Variants in BARD1 observed in about 807,000 individuals in gnomAD.
BARD1 encodes BRCA1 associated RING domain 1.
Under a neutral mutation model 77.0 loss-of-function variants are expected in BARD1, and 73 were observed. That is an observed-to-expected ratio of 0.95 (90% CI 0.79 to 1.15). BARD1 has a LOEUF of 1.15. BARD1 is among the 50% of genes most tolerant of loss of function. The pLI is 0.00. For missense variants in BARD1, 993 were observed against 938.8 expected (o/e 1.06, Z -0.75); for synonymous variants, 384 against 338.0 (o/e 1.14, Z -1.49).
At chr2:214,796,486 C>T (rs1695759145) in intron 2 of BARD1, among the ~76,000 whole-genome samples, 1 of 152,138 alleles carries the variant, frequency 6.6e-6, no homozygotes, top group African/African-American at 2.4e-5. Context: ...TACATGAAAG[C>T]AAAGACCAGA....
At chr2:214,781,788 T>C (rs980658001) in intron 3 of BARD1, among the ~76,000 whole-genome samples, 33 of 152,136 alleles carry the variant, frequency 2.2e-4, no homozygotes, top group African/African-American at 7.7e-4. Context: ...ACCCATAAAA[T>C]ACAAATCTAA....
intron 6 of BARD1, among the ~76,000 whole-genome samples, chr2:214,760,011 C>T (rs983335161): frequency 6.6e-6 from 1 of 152,128 alleles, no homozygotes; most frequent in African/African-American, 2.4e-5. Flanking sequence ...TTTCCTATGT[C>T]TAGTCTTCCA....
intron 10 of BARD1, among the ~76,000 whole-genome samples, chr2:214,729,587 T>C (rs539180921): frequency 2.6e-5 from 4 of 152,272 alleles, no homozygotes; most frequent in Admixed American, 1.3e-4. Context: ...ACCATCTCGG[T>C]TCCTTTTCAC....
chr2:214,773,528 A>C (rs1329839940), intron 4 of BARD1, among the ~76,000 whole-genome samples: 6 of 152,212 alleles, frequency 3.9e-5, no homozygotes, highest in African/African-American at 4.8e-5. Context: ...GATAAAGCAA[A>C]TATTGCAATA....
At position 214,725,666 on chromosome 2, in the gene BARD1, A is replaced by G. The variant is rs1334483161; in HGVS notation, c.*3010T>C. ...GAAGACAACTTCTCAATATTTATTT[A>G]TTCATTCAGTTTGATGTGCGTATCT... On this transcript the variant is annotated 3_prime_UTR_variant, in exon 11 of 11. Coordinates refer to ENST00000260947, the MANE Select transcript of BARD1 (RefSeq NM_000465.4). 2 of 213,206 alleles carry G rather than the reference A, an allele frequency of 9.4e-6. No individual in the cohort carries two copies. The highest frequency in any genetic ancestry group is 4.5e-5 in the African/African-American group (2 of 44,230). 13.2% of individuals were successfully genotyped at this position (213,206 alleles called of 1,614,324 possible).
intron 4 of BARD1, among the ~76,000 whole-genome samples, chr2:214,773,866 T>C (rs1694623979): frequency 6.6e-6 from 1 of 152,204 alleles, no homozygotes; most frequent in African/African-American, 2.4e-5. Flanking sequence ...CGCTGTTTGG[T>C]AGCATTTTAT....
chr2:214,758,953 C>T (rs185196557), intron 6 of BARD1, among the ~76,000 whole-genome samples: 2 of 152,262 alleles, frequency 1.3e-5, no homozygotes, highest in Admixed American at 6.5e-5. Flanking sequence ...TTTACTAATA[C>T]TAAATCTATC....
intron 6 of BARD1, among the ~76,000 whole-genome samples, chr2:214,760,759 C>G (rs909363734): frequency 4.0e-5 from 6 of 151,312 alleles, no homozygotes; most frequent in Non-Finnish European, 4.4e-5. Flanking sequence ...AAAAGTTTTA[C>G]AGTTCACAGG....
intron 9 of BARD1, among the ~76,000 whole-genome samples, chr2:214,739,096 C>G (rs1028799656): frequency 6.6e-6 from 1 of 152,044 alleles, no homozygotes; most frequent in Non-Finnish European, 1.5e-5. Flanking sequence ...CTGCAAAGAG[C>G]TATGATTGCA....
intron 4 of BARD1, among the ~76,000 whole-genome samples, chr2:214,775,481 T>A (rs1178338139): frequency 6.6e-6 from 1 of 152,174 alleles, no homozygotes; most frequent in African/African-American, 2.4e-5. Context: ...TTACAATAGT[T>A]ACATCAAAGA....
chr2:214,766,118 G>A (rs1419873514), intron 6 of BARD1, among the ~76,000 whole-genome samples: 1 of 152,036 alleles, frequency 6.6e-6, no homozygotes, highest in Non-Finnish European at 1.5e-5. Context: ...ACTACATAGG[G>A]AGACATGAAC....
chr2:214,783,322 G>A (rs76775442), intron 3 of BARD1, among the ~76,000 whole-genome samples: 8,030 of 152,118 alleles, frequency 0.053, 232 homozygotes, highest in Admixed American at 0.083. Flanking sequence ...CAGAGACCAC[G>A]GAAGAAAGTG....
At chr2:214,746,006 T>G (rs1693099429) in intron 7 of BARD1, 152 bp from the exon 8 acceptor site, 1 of 918,304 alleles carries the variant, frequency 1.1e-6, no homozygotes, top group African/African-American at 1.7e-5. Context: ...ACCCAGAACC[T>G]TTTAAATAAA....
chr2:214,781,783 T>C (rs1280233175), intron 3 of BARD1, among the ~76,000 whole-genome samples: 5 of 151,990 alleles, frequency 3.3e-5, no homozygotes, highest in Admixed American at 3.3e-4. Context: ...AAAAAACCCA[T>C]AAAATACAAA....
At chr2:214,809,297 C>G (rs1696441753) in intron 1 of BARD1, 115 bp downstream of exon 1, 3 of 1,474,500 alleles carry the variant, frequency 2.0e-6, no homozygotes, top group African/African-American at 2.8e-5. Context: ...GCACGCCGAC[C>G]CGACTGCAGC....
At chr2:214,743,074 G>A (rs1221216904) in intron 9 of BARD1, among the ~76,000 whole-genome samples, 1 of 152,186 alleles carries the variant, frequency 6.6e-6, no homozygotes. Context: ...AACTAGGAGG[G>A]ACTAATTAAT....
chr2:214,741,998 T>C (rs960340114), intron 9 of BARD1, among the ~76,000 whole-genome samples: 2 of 152,162 alleles, frequency 1.3e-5, no homozygotes, highest in Non-Finnish European at 2.9e-5. Context: ...ACAAATAAAA[T>C]TCTACTTGAA....
intron 6 of BARD1, among the ~76,000 whole-genome samples, chr2:214,754,935 G>A (rs1459915449): frequency 6.6e-6 from 1 of 152,126 alleles, no homozygotes; most frequent in African/African-American, 2.4e-5. Context: ...GGAAGTAGAT[G>A]TAAGTTTACA....
chr2:214,744,472 C>T (rs1693000639), intron 9 of BARD1, among the ~76,000 whole-genome samples: 2 of 152,162 alleles, frequency 1.3e-5, no homozygotes, highest in South Asian at 4.1e-4. Context: ...TATCATTTAA[C>T]AGTAACATGA....
Sources: allele counts gnomAD v4.1 joint callset (sites outside exome capture counted in the v4.1 genomes callset), GRCh38; gene constraint gnomAD v4.1.1; transcripts MANE v1.5; gene names NCBI Gene and HGNC (gene_info 2026-07-23, HGNC 2026-07-21).